CLEC16A: variants seen among roughly 807,000 people sequenced by gnomAD.
CLEC16A encodes C-type lectin domain containing 16A.
CLEC16A carries 51 observed loss-of-function variants against 109.5 expected under a neutral mutation model. The ratio of observed to expected loss-of-function variants is 0.47; its 90% confidence interval spans 0.37 to 0.59. The LOEUF (loss-of-function observed/expected upper bound fraction) is 0.59, where lower values mean the gene tolerates loss of function less well. Ranked by LOEUF, CLEC16A falls within the 20% of genes least tolerant of loss-of-function variation. The probability of loss-of-function intolerance (pLI) is 0.00; values close to 1 mark genes in which losing one functional copy is unlikely to be tolerated. For synonymous variants in CLEC16A, 673 were observed against 564.2 expected (o/e 1.19, Z -2.73); for missense variants, 1,339 against 1,394.0 (o/e 0.96, Z 0.63).
chr16:11,059,393 C>T (rs2048366719), intron 18 of CLEC16A, among the ~76,000 whole-genome samples: 1 of 152,176 alleles, frequency 6.6e-6, no homozygotes. Flanking sequence ...CAGAGGACTG[C>T]ACTACCTTAG....
intron 4 of CLEC16A, among the ~76,000 whole-genome samples, chr16:10,969,564 C>T (rs1447383723): frequency 2.0e-5 from 3 of 152,154 alleles, no homozygotes; most frequent in Non-Finnish European, 2.9e-5. Flanking sequence ...CCCAGGTTGG[C>T]CTTGAACTTC....
chr16:10,972,404 C>G, intron 5 of CLEC16A, 150 bp from the exon 6 acceptor site: 1 of 676,122 alleles, frequency 1.5e-6, no homozygotes, highest in East Asian at 2.7e-5. Flanking sequence ...TCTCCTGTCT[C>G]CTTCTAACCT....
chr16:11,092,739 G>T (rs894828694), intron 19 of CLEC16A, among the ~76,000 whole-genome samples: 6 of 152,226 alleles, frequency 3.9e-5, no homozygotes, highest in African/African-American at 1.4e-4. Context: ...GAATCTATCA[G>T]GGTTTGAGGA....
At chr16:11,014,643 A>G (rs2045633168) in intron 11 of CLEC16A, among the ~76,000 whole-genome samples, 1 of 152,222 alleles carries the variant, frequency 6.6e-6, no homozygotes, top group African/African-American at 2.4e-5. Flanking sequence ...TCAAACTCCA[A>G]ATAGTATCAT....
intron 19 of CLEC16A, among the ~76,000 whole-genome samples, chr16:11,113,061 A>G (rs2153006091): frequency 6.6e-6 from 1 of 152,386 alleles, no homozygotes; most frequent in Admixed American, 6.5e-5. Flanking sequence ...ACTGGACACC[A>G]GAGCTCTTGA....
At chr16:10,979,760 GT>G (rs1268729006) in intron 9 of CLEC16A, among the ~76,000 whole-genome samples, 1 of 152,114 alleles carries the variant, frequency 6.6e-6, no homozygotes, top group Non-Finnish European at 1.5e-5. Context: ...AACCCACAGC[GT>G]GCATACACAC....
At chr16:11,074,022 A>C (rs867063543) in intron 19 of CLEC16A, among the ~76,000 whole-genome samples, 1 of 152,184 alleles carries the variant, frequency 6.6e-6, no homozygotes. Flanking sequence ...GTCCCCCTCT[A>C]ATGACATATA....
At chr16:10,973,117 T>C in intron 7 of CLEC16A, 56 bp downstream of exon 7, 1 of 1,528,964 alleles carries the variant, frequency 6.5e-7, no homozygotes, top group Admixed American at 2.2e-5. Context: ...AGGGGAGAAT[T>C]CTGTTTTCAT....
chr16:11,111,394 C>G (rs2051575251), intron 19 of CLEC16A, among the ~76,000 whole-genome samples: 1 of 152,154 alleles, frequency 6.6e-6, no homozygotes, highest in East Asian at 1.9e-4. Context: ...TTCCTCACAA[C>G]ATGGTGGATA....
intron 10 of CLEC16A, among the ~76,000 whole-genome samples, chr16:10,995,430 T>C (rs943597347): frequency 6.6e-6 from 1 of 152,160 alleles, no homozygotes; most frequent in Non-Finnish European, 1.5e-5. Flanking sequence ...CAGGAGCATG[T>C]TGGGGAGGCT....
chr16:11,032,537 A>G (rs1014197102), intron 13 of CLEC16A, among the ~76,000 whole-genome samples: 6 of 152,264 alleles, frequency 3.9e-5, no homozygotes, highest in Non-Finnish European at 8.8e-5. Flanking sequence ...ACTGAAGTGA[A>G]CAAGAAGATT....
chr16:10,961,953 T>C lies in CLEC16A; in HGVS notation c.210-502T>C, dbSNP rs2042265999. ...TAGGGCTAAAGCTTTTTGGGAACTT[T>C]TTTTTCTTTTTTTTCTTTTTTTTTT... On this transcript the variant is annotated intron_variant, in intron 2 of 23. Coordinates refer to ENST00000409790, the MANE Select transcript of CLEC16A (RefSeq NM_015226.3). The surrounding 1 kb of genome is among the most constrained non-coding windows in gnomAD (Gnocchi z 4.3). Among the ~76,000 whole-genome samples, 1 of 94,522 alleles carries C rather than the reference T, an allele frequency of 1.1e-5. No individual in the cohort carries two copies. The highest frequency in any genetic ancestry group is 4.8e-5 in the African/African-American group (1 of 20,706). The allele number at this position is 94,522 out of a possible 152,430, so 62.0% of individuals were successfully genotyped here.
At chr16:10,987,364 C>G (rs2043734318) in intron 10 of CLEC16A, among the ~76,000 whole-genome samples, 1 of 152,140 alleles carries the variant, frequency 6.6e-6, no homozygotes, top group Non-Finnish European at 1.5e-5. Flanking sequence ...TACTGGCAAC[C>G]TCTCAGTTTA....
At chr16:10,972,610 A>G (rs1018560510) in intron 6 of CLEC16A, 51 bp downstream of exon 6, 4 of 1,521,740 alleles carry the variant, frequency 2.6e-6, no homozygotes, top group Middle Eastern at 3.4e-4. Flanking sequence ...CCTTATATGT[A>G]AATACCTTGC....
chr16:10,951,503 C>T (rs933901663), intron 1 of CLEC16A, among the ~76,000 whole-genome samples: 1 of 152,036 alleles, frequency 6.6e-6, no homozygotes, highest in African/African-American at 2.4e-5. Context: ...GGGTTGTAAT[C>T]ATGGGGTCTG....
At chr16:11,004,462 G>A (rs1395063995) in intron 11 of CLEC16A, among the ~76,000 whole-genome samples, 3 of 152,160 alleles carry the variant, frequency 2.0e-5, no homozygotes, top group Non-Finnish European at 4.4e-5. Flanking sequence ...TGGGTGTGGG[G>A]AACACTTCCT....
At chr16:11,005,380 G>C (rs1021250523) in intron 11 of CLEC16A, among the ~76,000 whole-genome samples, 1 of 152,152 alleles carries the variant, frequency 6.6e-6, no homozygotes, top group Non-Finnish European at 1.5e-5. Flanking sequence ...TTTCCAGGTG[G>C]TTACTTAGCC....
chr16:11,006,934 C>G (rs1216419255), intron 11 of CLEC16A, among the ~76,000 whole-genome samples: 2 of 151,906 alleles, frequency 1.3e-5, no homozygotes, highest in African/African-American at 2.4e-5. Flanking sequence ...AAATTAAATA[C>G]TAAAAAAAGA....
At chr16:11,155,471 C>T (rs943522781) in intron 22 of CLEC16A, among the ~76,000 whole-genome samples, 8 of 152,232 alleles carry the variant, frequency 5.3e-5, no homozygotes, top group African/African-American at 1.9e-4. Flanking sequence ...GCAGAAGGCT[C>T]GTGTCCAGCC....
Sources: allele counts gnomAD v4.1 joint callset (sites outside exome capture counted in the v4.1 genomes callset), GRCh38; gene constraint gnomAD v4.1.1; non-coding constraint Gnocchi (gnomAD v3.1); transcripts MANE v1.5; gene names NCBI Gene and HGNC (gene_info 2026-07-23, HGNC 2026-07-21).